The following MARCHF11 variants were observed in gnomAD, a reference collection of about 807,000 sequenced individuals.
MARCHF11 encodes the protein membrane associated ring-CH-type finger 11.
MARCHF11 carries 29 observed loss-of-function variants against 37.3 expected under a neutral mutation model. The ratio of observed to expected loss-of-function variants is 0.78; its 90% CI spans 0.58 to 1.06. The LOEUF (loss-of-function observed/expected upper bound fraction) is 1.06. MARCHF11 is among the 50% of genes least tolerant of loss of function. MARCHF11 has a pLI of 0.00. For missense variants in MARCHF11, 482 were observed against 533.4 expected (o/e 0.90, Z 0.95); for synonymous variants, 233 against 228.0 (o/e 1.02, Z -0.20).
intron 2 of MARCHF11, among the ~76,000 whole-genome samples, chr5:16,153,339 G>C (rs1737918781): frequency 6.6e-6 from 1 of 151,926 alleles, no homozygotes. Flanking sequence ...AGGACAACTG[G>C]TTTGGCAGGA....
intron 2 of MARCHF11, among the ~76,000 whole-genome samples, chr5:16,142,213 T>C (rs942062407): frequency 1.3e-5 from 2 of 152,196 alleles, no homozygotes; most frequent in South Asian, 2.1e-4. Flanking sequence ...GTTGCACTTA[T>C]CATGTTTTAG....
chr5:16,088,359 A>G (rs2126555027), intron 3 of MARCHF11, among the ~76,000 whole-genome samples: 1 of 152,334 alleles, frequency 6.6e-6, no homozygotes, highest in East Asian at 1.9e-4. Flanking sequence ...TTTTATTCAC[A>G]GAACCTAGCA....
chr5:16,099,761 CT>C (rs2126562602), intron 2 of MARCHF11, among the ~76,000 whole-genome samples: 1 of 152,294 alleles, frequency 6.6e-6, no homozygotes, highest in South Asian at 2.1e-4. Flanking sequence ...GTGAAAAGAT[CT>C]TTCCTCCACT....
rs16868093 is a variant in MARCHF11 at position 16,089,472 on chromosome 5, C to A, written c.886+1417G>T. Reference sequence around the variant, plus strand: ...ATATACATGATTAGCTCAATTATTCCGGCAACATCTCTTCAGTTTATATAT... The same window carrying A: ...ATATACATGATTAGCTCAATTATTCAGGCAACATCTCTTCAGTTTATATAT... On this transcript the variant is annotated intron_variant, in intron 3 of 3. Coordinates refer to ENST00000332432, the MANE Select transcript of MARCHF11 (RefSeq NM_001102562.3). Among the ~76,000 whole-genome samples, 1,346 of 151,990 alleles carry A rather than the reference C, an allele frequency of 8.9e-3. 16 individuals are homozygous for A. Among genetic ancestry groups the A allele is most frequent in the African/African-American group, 0.031 (1,272 of 41,464 alleles).
At chr5:16,095,656 C>T (rs533087279) in intron 2 of MARCHF11, among the ~76,000 whole-genome samples, 1 of 152,224 alleles carries the variant, frequency 6.6e-6, no homozygotes, top group Non-Finnish European at 1.5e-5. Flanking sequence ...CCATACCTGG[C>T]ACTAATGCCA....
intron 2 of MARCHF11, among the ~76,000 whole-genome samples, chr5:16,121,272 G>T (rs541038360): frequency 1.3e-5 from 2 of 152,088 alleles, no homozygotes; most frequent in Admixed American, 1.3e-4. Context: ...TTTGCCTGAG[G>T]TTTGTCACCG....
At chr5:16,092,584 T>C (rs1443250484) in intron 2 of MARCHF11, among the ~76,000 whole-genome samples, 3 of 151,630 alleles carry the variant, frequency 2.0e-5, no homozygotes, top group Non-Finnish European at 4.4e-5. Flanking sequence ...GGCCTGTTGG[T>C]GGGTGGGGAA....
At chr5:16,080,674 C>T (rs987459538) in intron 3 of MARCHF11, among the ~76,000 whole-genome samples, 9 of 152,190 alleles carry the variant, frequency 5.9e-5, no homozygotes, top group African/African-American at 2.2e-4. Flanking sequence ...CTTAGCGCCC[C>T]CACCCCTTCC....
chr5:16,119,163 G>T (rs1737269816), intron 2 of MARCHF11, among the ~76,000 whole-genome samples: 1 of 152,044 alleles, frequency 6.6e-6, no homozygotes, highest in African/African-American at 2.4e-5. Context: ...AGGAGTTTGA[G>T]ACCAGCCTGG....
chr5:16,120,798 G>A (rs1737297734), intron 2 of MARCHF11, among the ~76,000 whole-genome samples: 1 of 152,150 alleles, frequency 6.6e-6, no homozygotes, highest in African/African-American at 2.4e-5. Context: ...GAGGATGAGA[G>A]GCCAGTGTGG....
At chr5:16,132,625 G>C (rs1737536855) in intron 2 of MARCHF11, among the ~76,000 whole-genome samples, 1 of 152,166 alleles carries the variant, frequency 6.6e-6, no homozygotes, top group Non-Finnish European at 1.5e-5. Context: ...AGTGCTGGGG[G>C]AACAAAATAG....
intron 2 of MARCHF11, among the ~76,000 whole-genome samples, chr5:16,105,051 C>A (rs187579000): frequency 2.4e-4 from 37 of 152,308 alleles, no homozygotes; most frequent in Middle Eastern, 3.4e-3. Context: ...AAGGCAAATC[C>A]CCTAGCCCTT....
At chr5:16,087,771 G>A (rs1440817959) in intron 3 of MARCHF11, among the ~76,000 whole-genome samples, 3 of 152,050 alleles carry the variant, frequency 2.0e-5, no homozygotes, top group Non-Finnish European at 4.4e-5. Flanking sequence ...AATTATGAAT[G>A]AAAGCAACAA....
intron 3 of MARCHF11, among the ~76,000 whole-genome samples, chr5:16,089,623 C>T (rs1282970908): frequency 6.7e-6 from 1 of 149,904 alleles, no homozygotes. Context: ...AAAAATCATG[C>T]TGACAATATT....
At chr5:16,108,325 G>C (rs778532270) in intron 2 of MARCHF11, among the ~76,000 whole-genome samples, 10 of 152,224 alleles carry the variant, frequency 6.6e-5, no homozygotes, top group Non-Finnish European at 1.2e-4. Context: ...AGGGGTTTGA[G>C]CTCAAGGCAG....
At chr5:16,156,167 ACT>A (rs1176164689) in intron 2 of MARCHF11, among the ~76,000 whole-genome samples, 1 of 151,902 alleles carries the variant, frequency 6.6e-6, no homozygotes, top group Non-Finnish European at 1.5e-5. Context: ...AAACTTAATA[ACT>A]CTATAATTTA....
intron 2 of MARCHF11, among the ~76,000 whole-genome samples, chr5:16,114,638 G>T (rs1200848148): frequency 6.6e-6 from 1 of 151,746 alleles, no homozygotes; most frequent in Non-Finnish European, 1.5e-5. Context: ...TGTAACAAGG[G>T]TTGATATTCT....
At chr5:16,119,029 G>T (rs147052587) in intron 2 of MARCHF11, among the ~76,000 whole-genome samples, 1 of 152,152 alleles carries the variant, frequency 6.6e-6, no homozygotes, top group Non-Finnish European at 1.5e-5. Context: ...TCTATGTAAT[G>T]AGTCTTGGAA....
At chr5:16,166,344 G>A (rs1385271901) in intron 2 of MARCHF11, among the ~76,000 whole-genome samples, 1 of 151,908 alleles carries the variant, frequency 6.6e-6, no homozygotes, top group Non-Finnish European at 1.5e-5. Context: ...CCCCTCAACA[G>A]ACAAGAGCTA....
Sources: gnomAD v4.1 joint callset for allele counts (sites outside exome capture counted in the v4.1 genomes callset) on GRCh38, gnomAD v4.1.1 for gene constraint, MANE v1.5 for transcripts, NCBI Gene and HGNC (gene_info 2026-07-23, HGNC 2026-07-21) for gene names.